The following SHC4 variants were observed in gnomAD, a reference collection of about 807,000 sequenced individuals.
SHC4 encodes SHC-transforming protein 4.
In SHC4, 41 loss-of-function variants were observed where a neutral mutation model predicts 69.4. The ratio of observed to expected loss-of-function variants is 0.59; its 90% CI spans 0.46 to 0.77. SHC4 has a LOEUF of 0.77. Among genes scored for constraint, SHC4 ranks in the 30% least tolerant of loss-of-function variants. The pLI, the probability that SHC4 is intolerant of heterozygous loss-of-function variation, is 0.00. For synonymous variants in SHC4, 318 were observed against 299.3 expected, an observed-to-expected ratio of 1.06 and a Z score of -0.64; for missense variants, 777 against 783.8, an observed-to-expected ratio of 0.99 and a Z score of 0.10.
At chr15:48,945,735 T>C (rs1184991710) in intron 1 of SHC4, among the ~76,000 whole-genome samples, 2 of 152,176 alleles carry the variant, frequency 1.3e-5, no homozygotes, top group East Asian at 3.8e-4. Context: ...GAGTGGCTAA[T>C]GGTTACAGGG....
chr15:48,962,061 G>A (rs752677048), intron 1 of SHC4, among the ~76,000 whole-genome samples: 11 of 152,136 alleles, frequency 7.2e-5, no homozygotes, highest in Admixed American at 4.6e-4. Context: ...AACCTACCAG[G>A]TCTCAATCAC....
At chr15:48,944,574 T>A (rs1264852417) in intron 1 of SHC4, among the ~76,000 whole-genome samples, 3 of 152,128 alleles carry the variant, frequency 2.0e-5, no homozygotes, top group African/African-American at 7.2e-5. Flanking sequence ...GCTGGAAGGA[T>A]CCTGGGTTAT....
rs200771635 is a variant in SHC4 at position 48,962,632 on chromosome 15, G to T, written c.384C>A (p.Ser128Arg). The T allele has an allele frequency of 1.9e-6, 3 of 1,614,184 alleles. No homozygotes were observed. The highest frequency in any genetic ancestry group is 1.1e-5 in the South Asian group (1 of 91,076). ...KLQESRDPGS[S>R]GPSSPETSLS... Reference sequence around the variant, plus strand: ...AACTGGTTTCTGGGGAAGAGGGGCCGCTGGAACCTGGGTCCCGGCTTTCCT... The same window carrying T: ...AACTGGTTTCTGGGGAAGAGGGGCCTCTGGAACCTGGGTCCCGGCTTTCCT... Residue 128 changes from serine to arginine, a missense_variant, in exon 1 of 12, where the codon AGC becomes AGA. Ser to Arg is a moderately radical substitution (Grantham distance 110). Coordinates refer to ENST00000332408, the MANE Select transcript of SHC4 (RefSeq NM_203349.4).
intron 4 of SHC4, chr15:48,878,462 G>A (rs758767752): frequency 1.9e-6 from 3 of 1,613,548 alleles, no homozygotes; most frequent in East Asian, 4.5e-5. Flanking sequence ...CTTCGAGAGC[G>A]AGGACGAGGG....
At chr15:48,855,723 T>C (rs1026894750) in intron 8 of SHC4, among the ~76,000 whole-genome samples, 4 of 151,986 alleles carry the variant, frequency 2.6e-5, no homozygotes, top group African/African-American at 9.7e-5. Flanking sequence ...TTGGATCGCC[T>C]CAGTCTTCCC....
intron 2 of SHC4, among the ~76,000 whole-genome samples, chr15:48,906,926 A>G (rs1900415028): frequency 6.6e-6 from 1 of 152,196 alleles, no homozygotes; most frequent in African/African-American, 2.4e-5. Flanking sequence ...TGACCTACAA[A>G]ATGTGCCCAA....
At chr15:48,901,020 A>G (rs1318665782) in intron 2 of SHC4, among the ~76,000 whole-genome samples, 1 of 152,258 alleles carries the variant, frequency 6.6e-6, no homozygotes, top group East Asian at 1.9e-4. Flanking sequence ...AGCCATAGGC[A>G]ATCCATAAAC....
At chr15:48,832,464 A>T (rs1898824446) in intron 11 of SHC4, among the ~76,000 whole-genome samples, 1 of 152,124 alleles carries the variant, frequency 6.6e-6, no homozygotes, top group African/African-American at 2.4e-5. Context: ...TGCTTTCAAA[A>T]TTCTCTGTTT....
chr15:48,831,729 T>C (rs1214812743), intron 11 of SHC4, among the ~76,000 whole-genome samples: 1 of 152,228 alleles, frequency 6.6e-6, no homozygotes, highest in African/African-American at 2.4e-5. Flanking sequence ...ATTTTTGTCT[T>C]TTAACTTCTA....
intron 1 of SHC4, among the ~76,000 whole-genome samples, chr15:48,962,172 C>T (rs1212488994): frequency 2.6e-5 from 4 of 152,158 alleles, no homozygotes; most frequent in Admixed American, 6.5e-5. Flanking sequence ...TGCCTCTACA[C>T]CTGCCAAGTA....
At chr15:48,879,883 G>A (rs944307097) in intron 4 of SHC4, 2 of 167,098 alleles carry the variant, frequency 1.2e-5, no homozygotes, top group Non-Finnish European at 2.9e-5. Flanking sequence ...CAGTATTAAG[G>A]GAAAATGATC....
At chr15:48,930,183 T>A (rs965509856) in intron 1 of SHC4, among the ~76,000 whole-genome samples, 12 of 152,264 alleles carry the variant, frequency 7.9e-5, no homozygotes, top group Admixed American at 2.0e-4. Flanking sequence ...TGGTTGCTTT[T>A]GGAAGTGGGA....
At chr15:48,933,970 A>G (rs1412801970) in intron 1 of SHC4, among the ~76,000 whole-genome samples, 1 of 152,168 alleles carries the variant, frequency 6.6e-6, no homozygotes, top group African/African-American at 2.4e-5. Flanking sequence ...TAAGAGCTAA[A>G]ACTGTAAAAC....
At chr15:48,850,666 T>C (rs1899191943) in intron 9 of SHC4, among the ~76,000 whole-genome samples, 1 of 152,258 alleles carries the variant, frequency 6.6e-6, no homozygotes, top group Non-Finnish European at 1.5e-5. Context: ...TGGAAAAGTT[T>C]TGTCCAACAT....
intron 8 of SHC4, among the ~76,000 whole-genome samples, chr15:48,851,525 G>T (rs962218188): frequency 2.6e-5 from 4 of 152,090 alleles, no homozygotes; most frequent in African/African-American, 9.7e-5. Flanking sequence ...TTCTGCTTGA[G>T]AAGTCACATG....
intron 4 of SHC4, among the ~76,000 whole-genome samples, chr15:48,874,469 C>T (rs935752037): frequency 7.3e-6 from 1 of 137,376 alleles, no homozygotes; most frequent in African/African-American, 2.5e-5. Context: ...ACTGCTGCTC[C>T]CCGTTGCTCA....
intron 1 of SHC4, among the ~76,000 whole-genome samples, chr15:48,933,721 T>C (rs982032371): frequency 1.3e-5 from 2 of 152,110 alleles, no homozygotes; most frequent in African/African-American, 4.8e-5. Flanking sequence ...AGCTACACAA[T>C]CAAGATAATG....
intron 2 of SHC4, among the ~76,000 whole-genome samples, chr15:48,912,569 C>T (rs745566390): frequency 2.6e-5 from 4 of 152,216 alleles, no homozygotes; most frequent in Non-Finnish European, 4.4e-5. Flanking sequence ...TAATAACTAA[C>T]ATCCTGAATT....
At chr15:48,943,518 T>C (rs1314963040) in intron 1 of SHC4, among the ~76,000 whole-genome samples, 1 of 152,204 alleles carries the variant, frequency 6.6e-6, no homozygotes, top group East Asian at 1.9e-4. Flanking sequence ...ATACTTTGGT[T>C]GTTTCCATAT....
Sources: gnomAD v4.1 joint callset for allele counts (sites outside exome capture counted in the v4.1 genomes callset) on GRCh38, gnomAD v4.1.1 for gene constraint, MANE v1.5 for transcripts, NCBI Gene and HGNC (gene_info 2026-07-23, HGNC 2026-07-21) for gene names.